NTRK3: variants seen among roughly 807,000 people sequenced by gnomAD.
NTRK3 encodes NT-3 growth factor receptor.
A neutral mutation model predicts 91.7 loss-of-function variants in NTRK3; 24 were observed. The ratio of observed to expected loss-of-function variants is 0.26; its 90% CI spans 0.19 to 0.37. The LOEUF is 0.37. Among genes scored for constraint, NTRK3 ranks in the 10% least tolerant of loss-of-function variants. NTRK3 has a pLI of 1.00. For synonymous variants in NTRK3, 483 were observed against 404.0 expected, an observed-to-expected ratio of 1.20 and a Z score of -2.34; for missense variants, 880 against 1,068.9, an observed-to-expected ratio of 0.82 and a Z score of 2.46.
chr15:88,183,126 G>T (rs538977960), intron 5 of NTRK3, among the ~76,000 whole-genome samples: 9 of 149,106 alleles, frequency 6.0e-5, no homozygotes, highest in South Asian at 2.1e-4. Flanking sequence ...TATCATTTAC[G>T]TTCCCATAAA....
At chr15:88,135,043 A>C in intron 10 of NTRK3, 58 bp downstream of exon 10, 1 of 1,594,002 alleles carries the variant, frequency 6.3e-7, no homozygotes, top group Non-Finnish European at 8.6e-7. Flanking sequence ...ACCATGCCCC[A>C]TCTCCCAAGC....
chr15:88,145,754 C>CG (rs1213898382), intron 6 of NTRK3, among the ~76,000 whole-genome samples: 1 of 152,148 alleles, frequency 6.6e-6, no homozygotes, highest in East Asian at 1.9e-4. Context: ...GAAGGGACTA[C>CG]GGGTTCCAGA....
chr15:87,890,128 T>C (rs1365529443), intron 17 of NTRK3, among the ~76,000 whole-genome samples: 2 of 152,098 alleles, frequency 1.3e-5, no homozygotes, highest in African/African-American at 4.8e-5. Context: ...TGACCAGGTA[T>C]CCAGAGCCCT....
At chr15:88,112,581 A>C (rs775539139) in intron 13 of NTRK3, among the ~76,000 whole-genome samples, 11 of 152,136 alleles carry the variant, frequency 7.2e-5, no homozygotes, top group South Asian at 2.1e-4. Context: ...TAGGGCACTA[A>C]CCTATCTCCA....
intron 5 of NTRK3, among the ~76,000 whole-genome samples, chr15:88,154,323 A>G (rs1466653950): frequency 2.6e-5 from 4 of 152,154 alleles, no homozygotes; most frequent in African/African-American, 7.2e-5. Context: ...AGCAGTGGGA[A>G]GGAAGGAGGC....
intron 15 of NTRK3, 119 bp downstream of exon 15, chr15:87,940,504 T>G: frequency 6.6e-7 from 1 of 1,512,714 alleles, no homozygotes; most frequent in East Asian, 2.3e-5. Context: ...CAAAGTCCTT[T>G]GATTGCATCT....
chr15:88,024,089 C>T (rs905430698), intron 14 of NTRK3, among the ~76,000 whole-genome samples: 13 of 152,360 alleles, frequency 8.5e-5, no homozygotes, highest in Admixed American at 5.9e-4. Context: ...AGGCTCTGTG[C>T]TCCCCACCAC....
At chr15:88,215,430 T>C (rs985454662) in intron 3 of NTRK3, among the ~76,000 whole-genome samples, 6 of 152,158 alleles carry the variant, frequency 3.9e-5, no homozygotes, top group Admixed American at 3.3e-4. Context: ...CAGCGTTACA[T>C]CTCCGTTGAC....
At chr15:88,116,999 T>C (rs1048587426) in intron 13 of NTRK3, among the ~76,000 whole-genome samples, 1 of 152,326 alleles carries the variant, frequency 6.6e-6, no homozygotes, top group Middle Eastern at 3.4e-3. Context: ...CAGTGAAATA[T>C]GCGGACGTCT....
chr15:88,120,858 GT>G (rs1217736031), intron 13 of NTRK3, among the ~76,000 whole-genome samples: 1 of 152,220 alleles, frequency 6.6e-6, no homozygotes, highest in Non-Finnish European at 1.5e-5. Flanking sequence ...CGCTAGCTGT[GT>G]GCTCTGGCAC....
At chr15:88,135,445 C>T (rs775389190) in intron 9 of NTRK3, 48 bp from the exon 10 acceptor site, 1 of 1,594,652 alleles carries the variant, frequency 6.3e-7, no homozygotes, top group African/African-American at 1.3e-5. Context: ...AGTCTACCAC[C>T]TCCTGCAGTA....
intron 3 of NTRK3, among the ~76,000 whole-genome samples, chr15:88,222,066 T>C (rs558046460): frequency 6.6e-6 from 1 of 152,166 alleles, no homozygotes; most frequent in African/African-American, 2.4e-5. Flanking sequence ...CCTCAAAGCA[T>C]GAGCTAGAAA....
chr15:88,199,360 T>G (rs1056639657), intron 3 of NTRK3, among the ~76,000 whole-genome samples: 1 of 152,188 alleles, frequency 6.6e-6, no homozygotes, highest in Non-Finnish European at 1.5e-5. Flanking sequence ...CAAGACTCCA[T>G]GATCCTTGGG....
intron 14 of NTRK3, among the ~76,000 whole-genome samples, chr15:88,010,570 G>A (rs1454169837): frequency 6.6e-6 from 1 of 152,098 alleles, no homozygotes; most frequent in Non-Finnish European, 1.5e-5. Context: ...GAATAACATG[G>A]TGAAGATATT....
chr15:87,892,113 C>CACACACACACAT (rs1555430907), intron 17 of NTRK3, among the ~76,000 whole-genome samples: 2,419 of 151,120 alleles, frequency 0.016, 68 homozygotes, highest in African/African-American at 0.056. Context: ...CACACACACA[C>CACACACACACAT]GCACGCACAC....
At chr15:87,950,763 A>T (rs2071033730) in intron 14 of NTRK3, among the ~76,000 whole-genome samples, 1 of 152,176 alleles carries the variant, frequency 6.6e-6, no homozygotes, top group Non-Finnish European at 1.5e-5. Context: ...AAAGTTCGGG[A>T]AGGAATATGC....
chr15:87,936,392 T>A (rs1369740496), intron 15 of NTRK3, among the ~76,000 whole-genome samples: 1 of 152,144 alleles, frequency 6.6e-6, no homozygotes, highest in Non-Finnish European at 1.5e-5. Context: ...CCACTCTGCC[T>A]TGGGGAGAGG....
intron 13 of NTRK3, among the ~76,000 whole-genome samples, chr15:88,070,480 T>C (rs1301033390): frequency 6.6e-6 from 1 of 152,092 alleles, no homozygotes; most frequent in Non-Finnish European, 1.5e-5. Flanking sequence ...CAGAGAAACA[T>C]GACAAGGGAT....
intron 14 of NTRK3, among the ~76,000 whole-genome samples, chr15:87,995,937 C>A (rs1297543269): frequency 6.6e-6 from 1 of 152,112 alleles, no homozygotes; most frequent in African/African-American, 2.4e-5. Context: ...TTGAATTTTT[C>A]CAACCATTTA....
Sources: gnomAD v4.1 joint callset for allele counts (sites outside exome capture counted in the v4.1 genomes callset) on GRCh38, gnomAD v4.1.1 for gene constraint, MANE v1.5 for transcripts, NCBI Gene and HGNC (gene_info 2026-07-23, HGNC 2026-07-21) for gene names.